Variants in MBD5 observed in about 807,000 individuals in gnomAD.
MBD5 encodes the protein methyl-CpG binding domain protein 5, also known as methyl-CpG-binding domain protein 5.
In MBD5, 13 loss-of-function variants were observed where a neutral mutation model predicts 117.3. That is an observed-to-expected ratio of 0.11 (90% CI 0.07 to 0.18). The LOEUF is 0.18. Among genes scored for constraint, MBD5 ranks in the 10% least tolerant of loss-of-function variants. The pLI is 1.00. For missense variants in MBD5, 1,879 were observed against 2,093.8 expected (o/e 0.90, Z 2.00); for synonymous variants, 727 against 766.4 (o/e 0.95, Z 0.85).
chr2:148,223,671 G>T (rs550125538), intron 2 of MBD5, among the ~76,000 whole-genome samples: 1 of 151,924 alleles, frequency 6.6e-6, no homozygotes, highest in Non-Finnish European at 1.5e-5. Context: ...GTGGCCAAAA[G>T]TTTGTTAATT....
At chr2:148,183,508 G>C (rs1417494447) in intron 2 of MBD5, among the ~76,000 whole-genome samples, 1 of 139,070 alleles carries the variant, frequency 7.2e-6, no homozygotes, top group African/African-American at 2.5e-5. Context: ...AATTTATTTT[G>C]AATCTTTTAT....
At chr2:148,055,885 G>A (rs1469755864) in intron 1 of MBD5, 1 of 152,140 alleles carries the variant, frequency 6.6e-6, no homozygotes, top group Non-Finnish European at 1.5e-5. Flanking sequence ...TGTAAGTTTA[G>A]ATAAGTCTTG....
chr2:148,265,694 G>T lies in MBD5; in HGVS notation c.-680+32299G>T, dbSNP rs73013019. On this transcript the variant is annotated intron_variant, in intron 3 of 13. Coordinates refer to ENST00000642680, the MANE Select transcript of MBD5 (RefSeq NM_001378120.1). ...CTTTCAAAACATTATATTAATATAT[G>T]CATAAATATGTACATTTTGCAATAT... is the stretch of plus-strand genomic sequence containing the variant. Among the ~76,000 whole-genome samples, 855 of 152,166 alleles carry T rather than the reference G, an allele frequency of 5.6e-3. 11 individuals carry two copies. Among genetic ancestry groups the T allele is most frequent in the African/African-American group, 0.02 (827 of 41,510 alleles).
intron 3 of MBD5, among the ~76,000 whole-genome samples, chr2:148,322,609 C>T (rs1702310692): frequency 6.6e-6 from 1 of 152,038 alleles, no homozygotes. Context: ...ATTTGACTTT[C>T]TCAGTGGCAG....
intron 4 of MBD5, among the ~76,000 whole-genome samples, chr2:148,372,696 A>C (rs1313903577): frequency 6.6e-6 from 1 of 152,130 alleles, no homozygotes; most frequent in African/African-American, 2.4e-5. Flanking sequence ...TGAATACAGA[A>C]TTGAGATGAA....
chr2:148,209,302 G>T (rs1350793931), intron 2 of MBD5, among the ~76,000 whole-genome samples: 1 of 152,060 alleles, frequency 6.6e-6, no homozygotes, highest in Non-Finnish European at 1.5e-5. Flanking sequence ...ATGTTACGAG[G>T]TGGGACTTTT....
intron 2 of MBD5, among the ~76,000 whole-genome samples, chr2:148,208,921 A>G (rs538102666): frequency 6.6e-6 from 1 of 152,258 alleles, no homozygotes; most frequent in East Asian, 1.9e-4. Context: ...AGCAAATTGT[A>G]TTTTAATTGT....
intron 1 of MBD5, among the ~76,000 whole-genome samples, chr2:148,123,947 T>A (rs540800876): frequency 1.3e-5 from 2 of 152,286 alleles, no homozygotes; most frequent in East Asian, 3.9e-4. Context: ...GTGATTTTTT[T>A]AAAAGAAACT....
At chr2:148,321,231 T>G (rs773970401) in intron 3 of MBD5, among the ~76,000 whole-genome samples, 9 of 152,200 alleles carry the variant, frequency 5.9e-5, no homozygotes, top group Non-Finnish European at 1.2e-4. Context: ...TCTCTTTGGC[T>G]TCCCTGGATC....
At chr2:148,227,485 G>C (rs968819211) in intron 2 of MBD5, among the ~76,000 whole-genome samples, 1 of 152,168 alleles carries the variant, frequency 6.6e-6, no homozygotes, top group East Asian at 1.9e-4. Flanking sequence ...CTCTGTTTTG[G>C]TACCAGTACC....
chr2:148,423,388 A>G (rs1705672372), intron 4 of MBD5, among the ~76,000 whole-genome samples: 1 of 152,152 alleles, frequency 6.6e-6, no homozygotes, highest in South Asian at 2.1e-4. Context: ...TCCAAACTAT[A>G]TTATCCCAGA....
At chr2:148,272,404 G>A (rs1701006672) in intron 3 of MBD5, among the ~76,000 whole-genome samples, 1 of 152,064 alleles carries the variant, frequency 6.6e-6, no homozygotes, top group Admixed American at 6.6e-5. Flanking sequence ...TACTTACAGT[G>A]TACAAACATT....
intron 3 of MBD5, among the ~76,000 whole-genome samples, chr2:148,323,846 A>G (rs1451391479): frequency 6.6e-6 from 1 of 152,114 alleles, no homozygotes; most frequent in East Asian, 1.9e-4. Flanking sequence ...CTTTAGTTTA[A>G]TTAGATCCCA....
intron 4 of MBD5, among the ~76,000 whole-genome samples, chr2:148,371,831 A>C (rs557145084): frequency 6.6e-6 from 1 of 152,272 alleles, no homozygotes; most frequent in East Asian, 1.9e-4. Flanking sequence ...CTTATTATAC[A>C]TGTAGTGAAC....
At chr2:148,311,109 G>C (rs1702019008) in intron 3 of MBD5, among the ~76,000 whole-genome samples, 3 of 152,182 alleles carry the variant, frequency 2.0e-5, no homozygotes. Flanking sequence ...ATGCTGAGAA[G>C]AATGTGTATT....
intron 1 of MBD5, among the ~76,000 whole-genome samples, chr2:148,158,949 C>G (rs541061591): frequency 6.6e-6 from 1 of 152,214 alleles, no homozygotes; most frequent in Non-Finnish European, 1.5e-5. Context: ...GTCTCGATCT[C>G]CTGACCTTGT....
intron 2 of MBD5, among the ~76,000 whole-genome samples, chr2:148,231,482 A>G (rs2106142018): frequency 6.6e-6 from 1 of 152,236 alleles, no homozygotes; most frequent in East Asian, 1.9e-4. Context: ...GTGCCTCATT[A>G]GTGATATGAA....
chr2:148,056,240 A>T (rs1694860688), intron 1 of MBD5: 1 of 152,090 alleles, frequency 6.6e-6, no homozygotes, highest in African/African-American at 2.4e-5. Context: ...ATCTGATAAC[A>T]TATTTGTGGA....
chr2:148,275,209 A>G (rs1333949696), intron 3 of MBD5, among the ~76,000 whole-genome samples: 2 of 152,318 alleles, frequency 1.3e-5, no homozygotes, highest in East Asian at 3.9e-4. Flanking sequence ...CTGCATTTGA[A>G]TAAGCCCTTT....
Sources: gnomAD v4.1 joint callset for allele counts (sites outside exome capture counted in the v4.1 genomes callset) on GRCh38, gnomAD v4.1.1 for gene constraint, MANE v1.5 for transcripts, NCBI Gene and HGNC (gene_info 2026-07-23, HGNC 2026-07-21) for gene names.